The following CLDN10 variants were observed in gnomAD, a reference collection of about 807,000 sequenced individuals.
The protein encoded by CLDN10 is claudin-10.
Under a neutral mutation model 22.9 loss-of-function variants are expected in CLDN10, and 15 were observed. The observed-to-expected ratio is 0.65, with a 90% CI of 0.44 to 1.01. The LOEUF (loss-of-function observed/expected upper bound fraction) is 1.01. CLDN10 is among the 50% of genes least tolerant of loss of function. The pLI is 0.00. For missense variants in CLDN10, 247 were observed against 287.8 expected, an observed-to-expected ratio of 0.86 and a Z score of 1.03; for synonymous variants, 114 against 111.4, an observed-to-expected ratio of 1.02 and a Z score of -0.15.
chr13:95,458,133 TG>T, intron 1 of CLDN10, among the ~76,000 whole-genome samples: 1 of 152,314 alleles, frequency 6.6e-6, no homozygotes, highest in East Asian at 1.9e-4. Flanking sequence ...ATACTTTTCA[TG>T]GCAAAAACAC....
At chr13:95,507,934 T>A (rs1312700670) in intron 1 of CLDN10, among the ~76,000 whole-genome samples, 2 of 151,918 alleles carry the variant, frequency 1.3e-5, no homozygotes, top group African/African-American at 4.8e-5. Context: ...AAAAACTTTT[T>A]TTAAATAGCC....
At chr13:95,577,204 T>G (rs773696060) in intron 3 of CLDN10, 27 bp from the exon 4 acceptor site, 1 of 1,464,408 alleles carries the variant, frequency 6.8e-7, no homozygotes, top group East Asian at 2.3e-5. Context: ...AAGTGAGCTG[T>G]AATACTTGTG....
At chr13:95,483,040 A>G (rs1456276386) in intron 1 of CLDN10, among the ~76,000 whole-genome samples, 1 of 152,228 alleles carries the variant, frequency 6.6e-6, no homozygotes, top group Non-Finnish European at 1.5e-5. Context: ...TGAGGCCAAC[A>G]TTCTTACTGG....
rs576045306 is a variant in CLDN10, at chr13:95,483,078, G to C, written c.214+49031G>C. Among the ~76,000 whole-genome samples the C allele has an allele frequency of 2.6e-5, 4 of 152,362 alleles. No individual in the cohort carries two copies. The South Asian group carries it at 8.3e-4, about 32-fold the overall frequency. ...AGAAATGATTCTCCATCGTTCTTGGGAGAAAGTGACGCTGCCCGTCCTCAG... is the reference window on the plus strand; with the variant it reads ...AGAAATGATTCTCCATCGTTCTTGGCAGAAAGTGACGCTGCCCGTCCTCAG... On this transcript the variant is annotated intron_variant, in intron 1 of 4. Transcript: ENST00000376873.
chr13:95,539,272 A>G (rs1230158392), intron 1 of CLDN10, among the ~76,000 whole-genome samples: 1 of 152,260 alleles, frequency 6.6e-6, no homozygotes, highest in East Asian at 1.9e-4. Context: ...TAGAGGGTAC[A>G]AAGGAACCAA....
At chr13:95,534,848 C>T (rs966054223) in intron 1 of CLDN10, among the ~76,000 whole-genome samples, 1 of 151,962 alleles carries the variant, frequency 6.6e-6, no homozygotes, top group African/African-American at 2.4e-5. Context: ...TATAATATAA[C>T]AACAACAGTG....
At chr13:95,501,176 G>A (rs941232972) in intron 1 of CLDN10, among the ~76,000 whole-genome samples, 5 of 152,000 alleles carry the variant, frequency 3.3e-5, no homozygotes, top group Admixed American at 6.6e-5. Flanking sequence ...ACCACGCCTC[G>A]CTAATTTTTG....
chr13:95,434,268 T>C (rs1184080376), intron 1 of CLDN10, among the ~76,000 whole-genome samples: 1 of 152,128 alleles, frequency 6.6e-6, no homozygotes, highest in Non-Finnish European at 1.5e-5. Flanking sequence ...TACAGGGCTT[T>C]TGGAATACCC....
At chr13:95,444,291 C>T (rs1355925942) in intron 1 of CLDN10, among the ~76,000 whole-genome samples, 1 of 152,144 alleles carries the variant, frequency 6.6e-6, no homozygotes, top group Non-Finnish European at 1.5e-5. Context: ...CGCCACTGCT[C>T]CTAAATGAAC....
At chr13:95,506,955 C>T (rs1388342069) in intron 1 of CLDN10, among the ~76,000 whole-genome samples, 1 of 152,118 alleles carries the variant, frequency 6.6e-6, no homozygotes, top group Non-Finnish European at 1.5e-5. Flanking sequence ...CCGGGCTGAA[C>T]ATAGAACCCT....
At chr13:95,529,109 T>C (rs1594590213) in intron 1 of CLDN10, among the ~76,000 whole-genome samples, 1 of 151,116 alleles carries the variant, frequency 6.6e-6, no homozygotes, top group Non-Finnish European at 1.5e-5. Context: ...TGTCTAGTAT[T>C]TTTTTTTTAA....
At chr13:95,491,262 T>A (rs7333145) in intron 1 of CLDN10, among the ~76,000 whole-genome samples, 1 of 152,092 alleles carries the variant, frequency 6.6e-6, no homozygotes, top group Admixed American at 6.6e-5. Flanking sequence ...AATATTGTAT[T>A]GAAATGTGAG....
At chr13:95,542,563 CAT>C (rs775832055) in intron 1 of CLDN10, among the ~76,000 whole-genome samples, 1 of 152,120 alleles carries the variant, frequency 6.6e-6, no homozygotes, top group Non-Finnish European at 1.5e-5. Context: ...TAGTTATGAA[CAT>C]AGATGCCAAA....
chr13:95,456,977 G>A (rs1158317913), intron 1 of CLDN10, among the ~76,000 whole-genome samples: 1 of 152,152 alleles, frequency 6.6e-6, no homozygotes, highest in Admixed American at 6.5e-5. Context: ...GACAGATGGA[G>A]TCTCTGCCAG....
intron 1 of CLDN10, among the ~76,000 whole-genome samples, chr13:95,453,651 T>C (rs1245299380): frequency 6.6e-6 from 1 of 151,780 alleles, no homozygotes; most frequent in East Asian, 1.9e-4. Context: ...ACCACTGCAC[T>C]TCAGCCTGGG....
chr13:95,526,787 C>CAAATAAATAAATAAAT (rs71113945), intron 1 of CLDN10, among the ~76,000 whole-genome samples: 186 of 149,816 alleles, frequency 1.2e-3, no homozygotes, highest in Non-Finnish European at 2.0e-3. Flanking sequence ...AATTCCATCT[C>CAAATAAATAAATAAAT]AAATAAATAA....
intron 1 of CLDN10, among the ~76,000 whole-genome samples, chr13:95,463,285 A>T (rs1447826747): frequency 6.0e-4 from 24 of 40,094 alleles, no homozygotes; most frequent in South Asian, 2.6e-3. Flanking sequence ...GCAAATGCTT[A>T]ATATATATAT....
chr13:95,523,482 T>C (rs1318317079), intron 1 of CLDN10, among the ~76,000 whole-genome samples: 1 of 152,236 alleles, frequency 6.6e-6, no homozygotes, highest in Non-Finnish European at 1.5e-5. Flanking sequence ...CAATTTTACT[T>C]GTGGGATTAT....
chr13:95,486,522 C>CAA (rs35424054), intron 1 of CLDN10, among the ~76,000 whole-genome samples: 1 of 113,358 alleles, frequency 8.8e-6, no homozygotes, highest in Non-Finnish European at 1.8e-5. Context: ...GACCCCATCT[C>CAA]AAAAAAAAAA....
Sources: gnomAD v4.1 joint callset for allele counts (sites outside exome capture counted in the v4.1 genomes callset) on GRCh38, gnomAD v4.1.1 for gene constraint, MANE v1.5 for transcripts, NCBI Gene and HGNC (gene_info 2026-07-23, HGNC 2026-07-21) for gene names.